RCOR3: variants seen among roughly 807,000 people sequenced by gnomAD.
The protein encoded by RCOR3 is REST corepressor 3.
RCOR3 carries 13 observed loss-of-function variants against 64.1 expected under a neutral mutation model. That is an observed-to-expected ratio of 0.20 (90% CI 0.13 to 0.32). The LOEUF is 0.32. Ranked by LOEUF, RCOR3 falls within the 10% of genes least tolerant of loss-of-function variation. The probability of loss-of-function intolerance (pLI) is 1.00; values close to 1 mark genes in which losing one functional copy is unlikely to be tolerated. For missense variants in RCOR3, 489 were observed against 701.2 expected (o/e 0.70, Z 3.42); for synonymous variants, 215 against 239.0 (o/e 0.90, Z 0.93).
chr1:211,313,702 G>C lies in RCOR3; in HGVS notation c.1596G>C (p.Thr532=). 2 of 1,614,162 alleles carry C rather than the reference G, an allele frequency of 1.2e-6. No homozygotes were observed. The highest frequency in any genetic ancestry group is 1.7e-6 in the Non-Finnish European group (2 of 1,180,030). ...PRLNPRPVLS[T]VGGQQPPSLI... is the part of the protein sequence containing the mutation. ...TAAACCCAAGACCGGTGTTGTCCACGGTTGGTGGTCAACAGCCACCATCAC... is the reference window on the plus strand; with the variant it reads ...TAAACCCAAGACCGGTGTTGTCCACCGTTGGTGGTCAACAGCCACCATCAC... The change falls in exon 12 of 12, where the codon ACG becomes ACC. Residue 532 remains threonine (T), a synonymous_variant. Transcript: ENST00000419091. The surrounding 1 kb of genome is among the most constrained non-coding windows in gnomAD (Gnocchi z 4.7).
At chr1:211,308,226 C>T (rs11119721) in intron 10 of RCOR3, among the ~76,000 whole-genome samples, 1 of 152,186 alleles carries the variant, frequency 6.6e-6, no homozygotes, top group Non-Finnish European at 1.5e-5. Flanking sequence ...TGTCAGCCCT[C>T]TGATACACTT....
chr1:211,260,220 G>A lies in RCOR3; in HGVS notation c.223+56G>A, dbSNP rs1571737724. On this transcript the variant is annotated intron_variant, in intron 2 of 11. Transcript: ENST00000419091. ...ATCCCCTTTCCTGGGCTTGGTTTGG[G>A]GTGGACGGGCTAGGAGTCCGGGCAT... The A allele has an allele frequency of 5.8e-6, 9 of 1,556,162 alleles. No homozygotes were observed. The East Asian group carries it at 1.1e-4, about 19-fold the overall frequency.
intron 7 of RCOR3, among the ~76,000 whole-genome samples, chr1:211,281,755 A>T (rs1697844290): frequency 6.6e-6 from 1 of 152,154 alleles, no homozygotes; most frequent in Admixed American, 6.5e-5. Flanking sequence ...TACAAGATGT[A>T]GCTTCTCTAT....
chr1:211,308,716 A>G (rs1701180851), intron 10 of RCOR3, among the ~76,000 whole-genome samples: 1 of 82,278 alleles, frequency 1.2e-5, no homozygotes, highest in Non-Finnish European at 2.2e-5. Flanking sequence ...TCCAAAATCA[A>G]TTTTTTTTTT....
At chr1:211,293,086 A>AAATAAATAAAT in intron 8 of RCOR3, among the ~76,000 whole-genome samples, 1 of 143,042 alleles carries the variant, frequency 7.0e-6, no homozygotes, top group African/African-American at 2.6e-5. Flanking sequence ...TCTGTCTCCA[A>AAATAAATAAAT]AAATAAATAA....
intron 8 of RCOR3, among the ~76,000 whole-genome samples, chr1:211,291,799 T>C (rs1699272565): frequency 6.6e-6 from 1 of 152,172 alleles, no homozygotes; most frequent in African/African-American, 2.4e-5. Context: ...CGTATGGTAT[T>C]CCAGTTCTAC....
At chr1:211,280,950 C>T (rs979798782) in intron 7 of RCOR3, among the ~76,000 whole-genome samples, 3 of 149,594 alleles carry the variant, frequency 2.0e-5, no homozygotes, top group Admixed American at 6.7e-5. Context: ...CAACATTGCA[C>T]TCCAGCCTGG....
At chr1:211,269,248 G>A (rs1218983281) in intron 2 of RCOR3, among the ~76,000 whole-genome samples, 1 of 152,130 alleles carries the variant, frequency 6.6e-6, no homozygotes, top group Non-Finnish European at 1.5e-5. Context: ...TGGATCATCT[G>A]AGGTTGGGAG....
chr1:211,264,643 CACTGT>C (rs146605041), intron 2 of RCOR3, among the ~76,000 whole-genome samples: 2,483 of 152,136 alleles, frequency 0.016, 31 homozygotes, highest in Non-Finnish European at 0.025. Flanking sequence ...ATGATGGCGC[CACTGT>C]ACTATACCCT....
intron 2 of RCOR3, among the ~76,000 whole-genome samples, chr1:211,270,736 G>GT (rs1196546610): frequency 6.6e-6 from 1 of 151,766 alleles, no homozygotes; most frequent in Non-Finnish European, 1.5e-5. Flanking sequence ...AATTTCCTTA[G>GT]TTTTTATAAG....
intron 10 of RCOR3, among the ~76,000 whole-genome samples, chr1:211,305,867 T>C (rs1348044959): frequency 6.6e-6 from 1 of 152,018 alleles, no homozygotes; most frequent in Non-Finnish European, 1.5e-5. Context: ...ATAAAAGGAG[T>C]AGTCATATAT....
rs1696421177 is a variant in RCOR3, at chr1:211,272,798, T to A, written c.302-1412T>A. 2.7e-5 allele frequency among the ~76,000 whole-genome samples: 4 copies of A among 150,802 alleles called. No individual in the cohort carries two copies. In the South Asian group the frequency reaches 8.5e-4, roughly 32 times the overall value. ...CACTACGCCCGGCTAATTTTTTGTA[T>A]TTTTAGTAGAGACGGGGTTTCACCG... On this transcript the variant is annotated intron_variant, in intron 3 of 11. Coordinates refer to ENST00000419091, the MANE Select transcript of RCOR3 (RefSeq NM_001136223.3).
chr1:211,299,060 C>T (rs1700123338), intron 9 of RCOR3, among the ~76,000 whole-genome samples: 1 of 151,410 alleles, frequency 6.6e-6, no homozygotes, highest in South Asian at 2.1e-4. Context: ...TAAATTAAGT[C>T]AAATGGAAAG....
chr1:211,283,269 G>A (rs779421771), intron 7 of RCOR3, among the ~76,000 whole-genome samples: 8 of 152,198 alleles, frequency 5.3e-5, no homozygotes, highest in Non-Finnish European at 8.8e-5. Flanking sequence ...TGTCGAGTGG[G>A]CAGGAGAAAG....
At chr1:211,290,713 G>C (rs1229350123) in intron 8 of RCOR3, among the ~76,000 whole-genome samples, 1 of 152,050 alleles carries the variant, frequency 6.6e-6, no homozygotes, top group Non-Finnish European at 1.5e-5. Flanking sequence ...TTTAGCTGGA[G>C]GTTACACATT....
intron 10 of RCOR3, among the ~76,000 whole-genome samples, chr1:211,308,684 G>GTTTTTTTTTTTTTTTTTTTTTTTT (rs71585833): frequency 2.4e-5 from 1 of 42,038 alleles, no homozygotes; most frequent in Non-Finnish European, 4.9e-5. Context: ...TTTTTTTTTT[G>GTTTTTTTTTTTTTTTTTTTTTTTT]TTTTTTTTTT....
intron 8 of RCOR3, among the ~76,000 whole-genome samples, chr1:211,294,027 A>G (rs998095408): frequency 1.3e-5 from 2 of 152,238 alleles, no homozygotes; most frequent in African/African-American, 2.4e-5. Flanking sequence ...CCTCATCTGT[A>G]AAACTGTTAT....
intron 7 of RCOR3, among the ~76,000 whole-genome samples, chr1:211,284,145 C>A (rs1226048232): frequency 6.6e-6 from 1 of 151,776 alleles, no homozygotes; most frequent in East Asian, 1.9e-4. Context: ...GCCCTACCTG[C>A]CGTGTTCACG....
intron 2 of RCOR3, among the ~76,000 whole-genome samples, chr1:211,270,580 C>T (rs1378583596): frequency 1.3e-5 from 2 of 150,584 alleles, no homozygotes; most frequent in Non-Finnish European, 3.0e-5. Context: ...CATTCTCTCT[C>T]GTTTAAAAGT....
Sources: allele counts gnomAD v4.1 joint callset (sites outside exome capture counted in the v4.1 genomes callset), GRCh38; gene constraint gnomAD v4.1.1; non-coding constraint Gnocchi (gnomAD v3.1); transcripts MANE v1.5; gene names NCBI Gene and HGNC (gene_info 2026-07-23, HGNC 2026-07-21).